Variants in NKX2-8 observed in about 807,000 individuals in gnomAD.
NKX2-8 encodes the protein NK2 homeobox 8.
Under a neutral mutation model 6.4 loss-of-function variants are expected in NKX2-8, and 8 were observed. The observed-to-expected ratio is 1.24, with a 90% CI of 0.73 to 2.24. The LOEUF (loss-of-function observed/expected upper bound fraction) is 2.24. Ranked by LOEUF, NKX2-8 falls within the 30% of genes most tolerant of loss-of-function variation. NKX2-8 has a pLI of 0.00. For synonymous variants in NKX2-8, 216 were observed against 171.5 expected, an observed-to-expected ratio of 1.26 and a Z score of -2.03; for missense variants, 406 against 351.1, an observed-to-expected ratio of 1.16 and a Z score of -1.25.
Position 36,581,080 on chromosome 14 carries a change from C to T in NKX2-8, c.542G>A (p.Cys181Tyr). Residue 181 changes from cysteine (C) to tyrosine (Y), a missense_variant, in exon 2 of 2, where the codon TGC (cysteine) becomes TAC (tyrosine). By Grantham distance (194) the Cys-to-Tyr change is radical. Coordinates refer to ENST00000258829, the MANE Select transcript of NKX2-8 (RefSeq NM_014360.4). The surrounding 1 kb of genome is among the most constrained non-coding windows in gnomAD (Gnocchi z 5.6). Reference sequence around the variant, plus strand: ...CACCTCGCCACCGCCGCCGCCGCCGCACGGCTGCCCGTCGCGAACAAGCAC... The same window carrying T: ...CACCTCGCCACCGCCGCCGCCGCCGTACGGCTGCCCGTCGCGAACAAGCAC... ...VPVLVRDGQP[C>Y]GGGGGGEVGT... 7.1e-7 allele frequency: 1 copy of T among 1,398,906 alleles called. No homozygotes were observed. The allele number at this position is 1,398,906 out of a possible 1,614,324, so 86.7% of individuals were successfully genotyped here.
At position 36,581,145 on chromosome 14, in the gene NKX2-8, CAG is replaced by C; in HGVS notation, c.475_476del (p.Leu159AlafsTer158). 1.9e-6 allele frequency: 3 copies of C among 1,556,602 alleles called. No homozygotes were observed. Among genetic ancestry groups the C allele is most frequent in the African/African-American group, 2.7e-5 (2 of 72,920 alleles). ...GACGCAGCAGGCCGGGCGCGGCGTG[CAG>C]CTCGGCGGATGCTGCCAGGTCAGGC... The part of the protein sequence containing the change: ...ESPDLAASAE[L>X]HAAPGLLRRV... On this transcript the variant is annotated frameshift_variant, in exon 2 of 2. Transcript: ENST00000258829. LOFTEE classifies it low-confidence loss of function (END_TRUNC). The surrounding 1 kb of genome is among the most constrained non-coding windows in gnomAD (Gnocchi z 5.6).
At chr14:36,582,197 C>T (rs1190872622) in intron 1 of NKX2-8, 36 bp downstream of exon 1, 1 of 1,573,872 alleles carries the variant, frequency 6.4e-7, no homozygotes, top group South Asian at 1.1e-5. Context: ...ACGCCTCCTA[C>T]CTCCCACCCC....
At chr14:36,582,085 G>C in intron 1 of NKX2-8, 148 bp downstream of exon 1, 2 of 834,704 alleles carry the variant, frequency 2.4e-6, no homozygotes, top group Non-Finnish European at 3.5e-6. Context: ...TTAGGGGTTC[G>C]AGGACAGGGC....
At position 36,581,173 on chromosome 14, in the gene NKX2-8, G is replaced by A. The variant is rs770146000; in HGVS notation, c.449C>T (p.Ser150Leu). 1.9e-6 allele frequency: 3 copies of A among 1,597,200 alleles called. No homozygotes were observed. In the Admixed American group the frequency reaches 5.1e-5, roughly 27 times the overall value. The change falls in exon 2 of 2, where the codon TCG becomes TTG. Residue 150 changes from serine (S) to leucine (L), a missense_variant. Transcript: ENST00000258829. The surrounding 1 kb of genome is among the most constrained non-coding windows in gnomAD (Gnocchi z 5.6). ...CTCGGCGGATGCTGCCAGGTCAGGC[G>A]ACTCCGCCGCCCCTGGAGCGCGAGC... ...KRARAPGAAE[S>L]PDLAASAELH... is the part of the protein sequence containing the mutation.
At position 36,581,173 on chromosome 14, in the gene NKX2-8, G is replaced by T. The variant is rs770146000; in HGVS notation, c.449C>A (p.Ser150Ter). Residue 150 changes from serine to a stop codon, truncating the protein, a stop_gained, in exon 2 of 2, where the codon TCG becomes TAG. Coordinates refer to ENST00000258829, the MANE Select transcript of NKX2-8 (RefSeq NM_014360.4). LOFTEE classifies it low-confidence loss of function (END_TRUNC). This position sits in a 1 kb window ranked among gnomAD's most constrained non-coding sequence, Gnocchi z 5.6. ...CTCGGCGGATGCTGCCAGGTCAGGC[G>T]ACTCCGCCGCCCCTGGAGCGCGAGC... Reference protein sequence around the residue: ...KRARAPGAAESPDLAASAELH... With the variant: ...KRARAPGAAE 9 of 1,597,084 alleles carry T rather than the reference G, an allele frequency of 5.6e-6. No individual in the cohort carries two copies. Among genetic ancestry groups the T allele is most frequent in the African/African-American group, 1.3e-5 (1 of 74,680 alleles).
At position 36,581,096 on chromosome 14, in the gene NKX2-8, G is replaced by A. The variant is rs773728215; in HGVS notation, c.526C>T (p.Arg176Cys). The A allele has an allele frequency of 1.2e-4, 174 of 1,420,116 alleles. No homozygotes were observed. Among genetic ancestry groups the A allele is most frequent in the Non-Finnish European group, 5.3e-5 (58 of 1,099,166 alleles). The allele number at this position is 1,420,116 out of a possible 1,614,324, so 88.0% of individuals were successfully genotyped here. A position where few individuals can be genotyped will look rare whatever the true frequency, so the allele number is the denominator to read the frequency against. ...LRRVVVPVLV[R>C]DGQPCGGGGG... ...CCGCCGCCGCACGGCTGCCCGTCGC[G>A]AACAAGCACCGGCACCACCACGCGA... The change falls in exon 2 of 2, where the codon CGC (arginine) becomes TGC (cysteine). Residue 176 changes from arginine (R) to cysteine (C), a missense_variant. Coordinates refer to ENST00000258829, the MANE Select transcript of NKX2-8 (RefSeq NM_014360.4). This position sits in a 1 kb window ranked among gnomAD's most constrained non-coding sequence, Gnocchi z 5.6.
In NKX2-8 at chr14:36,580,862, C is replaced by T. The variant is rs371825303; in HGVS notation, c.*40G>A. On this transcript the variant is annotated 3_prime_UTR_variant, in exon 2 of 2. Coordinates refer to ENST00000258829, the MANE Select transcript of NKX2-8 (RefSeq NM_014360.4). ...GGCCCTGCTCCAATCGCAGAGCGCG[C>T]TCCAAAGTCGAGGGTAGCCCCAGGT... 150 of 1,261,944 alleles carry T rather than the reference C, an allele frequency of 1.2e-4. No homozygotes were observed. The highest frequency in any genetic ancestry group is 1.5e-4 in the Non-Finnish European group (146 of 1,002,106). The allele number at this position is 1,261,944 out of a possible 1,614,324, so 78.2% of individuals were successfully genotyped here.
rs1400155791 is a variant in NKX2-8 at position 36,582,498 on chromosome 14, C to G, written c.-109G>C. On this transcript the variant is annotated 5_prime_UTR_variant, in exon 1 of 2. Transcript: ENST00000258829. ...GAGGCGCTCGCCATGCGCTGGCAGC[C>G]GGGATATTAGCGCATTTACAGCGGA... 6 of 1,107,244 alleles carry G rather than the reference C, an allele frequency of 5.4e-6. No homozygotes were observed. In the African/African-American group the frequency reaches 9.7e-5, roughly 18 times the overall value. The allele number at this position is 1,107,244 out of a possible 1,614,324, so 68.6% of individuals were successfully genotyped here.
chr14:36,580,980 G>C lies in NKX2-8; in HGVS notation c.642C>G (p.Phe214Leu). Reference sequence around the variant, plus strand: ...AGAGGCCAAGCGCCGAGCCGGGACCGAAGGCAGGGTAGCCCGGCAGAGGGC... The same window carrying C: ...AGAGGCCAAGCGCCGAGCCGGGACCCAAGGCAGGGTAGCCCGGCAGAGGGC... ...AACPLPGYPAFGPGSALGLFP... is the reference protein window; with the variant it reads ...AACPLPGYPALGPGSALGLFP... The change falls in exon 2 of 2, where the codon TTC (phenylalanine) becomes TTG (leucine). Residue 214 changes from phenylalanine to leucine, a missense_variant. Physicochemically the swap from Phe to Leu is conservative, Grantham distance 22 (BLOSUM62 0). Coordinates refer to ENST00000258829, the MANE Select transcript of NKX2-8 (RefSeq NM_014360.4). The C allele has an allele frequency of 7.4e-7, 1 of 1,351,814 alleles. No homozygotes were observed. Among genetic ancestry groups the C allele is most frequent in the East Asian group, 2.9e-5 (1 of 35,070 alleles). The allele number at this position is 1,351,814 out of a possible 1,614,324, so 83.7% of individuals were successfully genotyped here. A position where few individuals can be genotyped will look rare whatever the true frequency, so the allele number is the denominator to read the frequency against.
rs1478861073 is a variant in NKX2-8 at position 36,582,451 on chromosome 14, C to T, written c.-62G>A. ...TGGGAACGGAGGGGCGGCCGGGACG[C>T]CGCTCCTACGGATGGGCGTGGGAGG... On this transcript the variant is annotated 5_prime_UTR_variant, in exon 1 of 2. Transcript: ENST00000258829. 2 of 1,418,098 alleles carry T rather than the reference C, an allele frequency of 1.4e-6. No homozygotes were observed. Among genetic ancestry groups the T allele is most frequent in the Non-Finnish European group, 1.9e-6 (2 of 1,075,102 alleles). The allele number at this position is 1,418,098 out of a possible 1,614,324, so 87.8% of individuals were successfully genotyped here. A position where few individuals can be genotyped will look rare whatever the true frequency, so the allele number is the denominator to read the frequency against.
rs752902861 is a variant in NKX2-8, at chr14:36,581,218, T to C, written c.404A>G (p.His135Arg). 10 of 1,610,926 alleles carry C rather than the reference T, an allele frequency of 6.2e-6. No individual in the cohort carries two copies. Among genetic ancestry groups the C allele is most frequent in the Middle Eastern group, 1.7e-4 (1 of 6,060 alleles). Residue 135 changes from histidine to arginine, a missense_variant, in exon 2 of 2, where the codon CAT (histidine) becomes CGT (arginine). Transcript: ENST00000258829. This position sits in a 1 kb window ranked among gnomAD's most constrained non-coding sequence, Gnocchi z 5.6. ...GCGAGCGCGCTTCAGCTTGTAGCGATGATTCTGGAACCAGATCTTGACCTG... is the reference window on the plus strand; with the variant it reads ...GCGAGCGCGCTTCAGCTTGTAGCGACGATTCTGGAACCAGATCTTGACCTG... ...PTQVKIWFQN[H>R]RYKLKRARAP...
In NKX2-8 at chr14:36,581,198, C is replaced by T. The variant is rs538076558; in HGVS notation, c.424G>A (p.Ala142Thr). 3 of 1,607,260 alleles carry T rather than the reference C, an allele frequency of 1.9e-6. No homozygotes were observed. The highest frequency in any genetic ancestry group is 2.7e-5 in the African/African-American group (2 of 74,982). The change falls in exon 2 of 2, where the codon GCT becomes ACT. Residue 142 changes from alanine (A) to threonine (T), a missense_variant. Transcript: ENST00000258829. The surrounding 1 kb of genome is among the most constrained non-coding windows in gnomAD (Gnocchi z 5.6). The part of the protein sequence containing the change: ...FQNHRYKLKR[A>T]RAPGAAESPD... ...GACTCCGCCGCCCCTGGAGCGCGAG[C>T]GCGCTTCAGCTTGTAGCGATGATTC...
chr14:36,582,524 A>G lies in NKX2-8; in HGVS notation c.-135T>C, dbSNP rs2139055955. On this transcript the variant is annotated 5_prime_UTR_variant, in exon 1 of 2. Coordinates refer to ENST00000258829, the MANE Select transcript of NKX2-8 (RefSeq NM_014360.4). ...GGGATATTAGCGCATTTACAGCGGA[A>G]TCTCTGTTTATATAAACAGCTCTTC... 1 of 885,966 alleles carries G rather than the reference A, an allele frequency of 1.1e-6. No homozygotes were observed. Among genetic ancestry groups the G allele is most frequent in the Non-Finnish European group, 1.7e-6 (1 of 605,616 alleles). The allele number at this position is 885,966 out of a possible 1,614,324, so 54.9% of individuals were successfully genotyped here. A position where few individuals can be genotyped will look rare whatever the true frequency, so the allele number is the denominator to read the frequency against.
Position 36,580,968 on chromosome 14 carries a change from C to G in NKX2-8, c.654G>C (p.Ser218=), listed in dbSNP as rs766159401. 3 of 1,349,800 alleles carry G rather than the reference C, an allele frequency of 2.2e-6. No homozygotes were observed. The highest frequency in any genetic ancestry group is 2.8e-5 in the East Asian group (1 of 35,124). The allele number at this position is 1,349,800 out of a possible 1,614,324, so 83.6% of individuals were successfully genotyped here. The part of the protein sequence containing the change: ...LPGYPAFGPG[S]ALGLFPAYQH... ...GGTAGGCGGGGAAGAGGCCAAGCGC[C>G]GAGCCGGGACCGAAGGCAGGGTAGC... Residue 218 remains serine, a synonymous_variant, in exon 2 of 2, where the codon TCG becomes TCC. Transcript: ENST00000258829.
At position 36,581,314 on chromosome 14, in the gene NKX2-8, A is replaced by T; in HGVS notation, c.308T>A (p.Phe103Tyr). The change falls in exon 2 of 2, where the codon TTC (phenylalanine) becomes TAC (tyrosine). Residue 103 changes from phenylalanine to tyrosine, a missense_variant. By Grantham distance (22) the Phe-to-Tyr change is conservative. Coordinates refer to ENST00000258829, the MANE Select transcript of NKX2-8 (RefSeq NM_014360.4). The surrounding 1 kb of genome is among the most constrained non-coding windows in gnomAD (Gnocchi z 5.6). ...KAQTLELERR[F>Y]RQQRYLSAPE... is the part of the protein sequence containing the mutation. ...CGCAGACAGGTACCGCTGCTGCCGGAAGCGCCGCTCCAACTCCAGCGTCTG... is the reference window on the plus strand; with the variant it reads ...CGCAGACAGGTACCGCTGCTGCCGGTAGCGCCGCTCCAACTCCAGCGTCTG... 1 of 1,587,712 alleles carries T rather than the reference A, an allele frequency of 6.3e-7. No individual in the cohort carries two copies.
intron 1 of NKX2-8, 65 bp downstream of exon 1, chr14:36,582,168 C>A: frequency 6.6e-7 from 1 of 1,504,864 alleles, no homozygotes; most frequent in Non-Finnish European, 9.0e-7. Context: ...GTGGGCTGGG[C>A]CCTTGATTCT....
Position 36,581,092 on chromosome 14 carries a change from T to C in NKX2-8, c.530A>G (p.Asp177Gly), listed in dbSNP as rs961687335. Residue 177 changes from aspartate (D) to glycine (G), a missense_variant, in exon 2 of 2, where the codon GAC (aspartate) becomes GGC (glycine). By Grantham distance (94) the Asp-to-Gly change is moderately conservative (BLOSUM62 -1). Coordinates refer to ENST00000258829, the MANE Select transcript of NKX2-8 (RefSeq NM_014360.4). This position sits in a 1 kb window ranked among gnomAD's most constrained non-coding sequence, Gnocchi z 5.6. ...RRVVVPVLVRDGQPCGGGGGG... is the reference protein window; with the variant it reads ...RRVVVPVLVRGGQPCGGGGGG... Reference sequence around the variant, plus strand: ...GCCGCCGCCGCCGCACGGCTGCCCGTCGCGAACAAGCACCGGCACCACCAC... The same window carrying C: ...GCCGCCGCCGCCGCACGGCTGCCCGCCGCGAACAAGCACCGGCACCACCAC... 109 of 1,416,836 alleles carry C rather than the reference T, an allele frequency of 7.7e-5. No homozygotes were observed. Among genetic ancestry groups the C allele is most frequent in the Non-Finnish European group, 9.6e-5 (105 of 1,097,506 alleles). 87.8% of individuals were successfully genotyped at this position (1,416,836 alleles called of 1,614,324 possible).
Position 36,580,803 on chromosome 14 carries a change from A to G in NKX2-8, c.*99T>C, listed in dbSNP as rs866050403. The G allele has an allele frequency of 5.7e-6, 5 of 883,512 alleles. No individual in the cohort carries two copies. The African/African-American group carries it at 7.0e-5, about 12-fold the overall frequency. 54.7% of individuals were successfully genotyped at this position (883,512 alleles called of 1,614,324 possible). A position where few individuals can be genotyped will look rare whatever the true frequency, so the allele number is the denominator to read the frequency against. ...CGCCCAAGGAGATGGGGCTGCAGGGAGGCGGACGGAGAGCGTTCCAGGCGT... is the reference window on the plus strand; with the variant it reads ...CGCCCAAGGAGATGGGGCTGCAGGGGGGCGGACGGAGAGCGTTCCAGGCGT... On this transcript the variant is annotated 3_prime_UTR_variant, in exon 2 of 2. Coordinates refer to ENST00000258829, the MANE Select transcript of NKX2-8 (RefSeq NM_014360.4).
rs1276342291 is a variant in NKX2-8, at chr14:36,581,684, G to T, written c.158-220C>A. Among the ~76,000 whole-genome samples the T allele has an allele frequency of 6.6e-6, 1 of 152,312 alleles. No individual in the cohort carries two copies. The highest frequency in any genetic ancestry group is 1.9e-4 in the East Asian group (1 of 5,166). ...CGGTCATCAGCGGGCCTGAGATCGTGCCCCGAAAAAACCCACCCCGGGGCC... is the reference window on the plus strand; with the variant it reads ...CGGTCATCAGCGGGCCTGAGATCGTTCCCCGAAAAAACCCACCCCGGGGCC... On this transcript the variant is annotated intron_variant, in intron 1 of 1. Coordinates refer to ENST00000258829, the MANE Select transcript of NKX2-8 (RefSeq NM_014360.4). This position sits in a 1 kb window ranked among gnomAD's most constrained non-coding sequence, Gnocchi z 5.6.
Sources: allele counts gnomAD v4.1 joint callset (sites outside exome capture counted in the v4.1 genomes callset), GRCh38; gene constraint gnomAD v4.1.1; non-coding constraint Gnocchi (gnomAD v3.1); transcripts MANE v1.5; gene names NCBI Gene and HGNC (gene_info 2026-07-23, HGNC 2026-07-21).